DIAPH2: variants seen among roughly 807,000 people sequenced by gnomAD.
The protein encoded by DIAPH2 is protein diaphanous homolog 2.
Under a neutral mutation model 92.7 loss-of-function variants are expected in DIAPH2, and 35 were observed. That is an observed-to-expected ratio of 0.38 (90% CI 0.29 to 0.50). The LOEUF (loss-of-function observed/expected upper bound fraction) is 0.50, where lower values mean the gene tolerates loss of function less well. Ranked by LOEUF, DIAPH2 falls within the 20% of genes least tolerant of loss-of-function variation. The probability of loss-of-function intolerance (pLI) is 0.94; values close to 1 mark genes in which losing one functional copy is unlikely to be tolerated. For synonymous variants in DIAPH2, 301 were observed against 280.4 expected (o/e 1.07, Z -0.73); for missense variants, 701 against 819.5 (o/e 0.86, Z 1.77).
chrX:96,999,498 C>CA (rs756579556), intron 17 of DIAPH2, among the ~76,000 whole-genome samples: 1,048 of 47,183 alleles, frequency 0.022, 20 homozygotes, highest in African/African-American at 0.055. Flanking sequence ...GAGACTGTCT[C>CA]AAAAAAAAAA....
intron 20 of DIAPH2, among the ~76,000 whole-genome samples, chrX:97,110,991 C>CAAAA (rs1331839971): frequency 1.1e-5 from 1 of 87,889 alleles, no homozygotes; most frequent in African/African-American, 4.2e-5. Flanking sequence ...TCAAAAAAAA[C>CAAAA]AAACAAAAAA....
intron 22 of DIAPH2, among the ~76,000 whole-genome samples, chrX:97,161,574 T>G (rs908396084): frequency 1.8e-5 from 2 of 111,216 alleles, no homozygotes; most frequent in East Asian, 2.8e-4. Context: ...CTAATTTTTT[T>G]GTATTTTTGG....
chrX:96,807,908 A>C (rs2064640013), intron 4 of DIAPH2, among the ~76,000 whole-genome samples: 1 of 91,417 alleles, frequency 1.1e-5, no homozygotes, highest in South Asian at 7.1e-4. Flanking sequence ...ATGGAACTCC[A>C]TCTACCACAA....
intron 22 of DIAPH2, among the ~76,000 whole-genome samples, chrX:97,152,504 A>G (rs185058533): frequency 6.0e-4 from 67 of 111,949 alleles, no homozygotes; most frequent in African/African-American, 2.2e-3. Flanking sequence ...AAAAAAATTT[A>G]TTTCTTACAG....
At chrX:97,303,404 C>T (rs1395756191) in intron 23 of DIAPH2, among the ~76,000 whole-genome samples, 2 of 111,569 alleles carry the variant, frequency 1.8e-5, no homozygotes, top group Admixed American at 1.9e-4. Flanking sequence ...TTACAAATTC[C>T]CAGTGTTTTC....
chrX:96,906,720 T>A (rs1306942727), intron 5 of DIAPH2, among the ~76,000 whole-genome samples: 1 of 112,282 alleles, frequency 8.9e-6, no homozygotes, highest in Non-Finnish European at 1.9e-5. Flanking sequence ...CACAGCATAA[T>A]CCAATGATGG....
intron 19 of DIAPH2, among the ~76,000 whole-genome samples, chrX:97,091,514 A>C (rs188732949): frequency 5.6e-4 from 63 of 111,526 alleles, no homozygotes; most frequent in African/African-American, 1.9e-3. Context: ...GGACTCAAGC[A>C]GTCCCCTATC....
At position 96,818,125 on chromosome X, in the gene DIAPH2, C is replaced by G. The variant is rs1427843963; in HGVS notation, c.447+59867C>G. On this transcript the variant is annotated intron_variant, in intron 4 of 26. Transcript: ENST00000324765. ...TCCCGAGTAGCTGGGACGGCAGGTG[C>G]CCGCCAAAACGCCCGGCTAAATTTT... 7.9e-5 allele frequency among the ~76,000 whole-genome samples: 3 copies of G among 37,937 alleles called. 1 individual carries two copies. Among genetic ancestry groups the G allele is most frequent in the Non-Finnish European group, 1.2e-4 (3 of 25,173 alleles). 32.9% of individuals were successfully genotyped at this position (37,937 alleles called of 115,157 possible).
chrX:97,062,165 C>T (rs2066603613), intron 17 of DIAPH2, among the ~76,000 whole-genome samples: 1 of 111,493 alleles, frequency 9.0e-6, no homozygotes, highest in South Asian at 3.8e-4. Flanking sequence ...ATCCTTTGTT[C>T]TTTCATAAAA....
At chrX:97,448,065 A>T (rs983552054) in intron 26 of DIAPH2, among the ~76,000 whole-genome samples, 11 of 112,378 alleles carry the variant, frequency 9.8e-5, no homozygotes, top group African/African-American at 3.6e-4. Flanking sequence ...TCAAATAATA[A>T]AAGAAGGCAG....
chrX:97,311,612 TTATC>T (rs1334841703), intron 23 of DIAPH2, among the ~76,000 whole-genome samples: 3 of 110,822 alleles, frequency 2.7e-5, no homozygotes, highest in South Asian at 3.9e-4. Flanking sequence ...ATGAGCCAGT[TTATC>T]TATCAGGGTG....
In DIAPH2 at chrX:97,300,956, AAAAAAAAAAG is replaced by A. The variant is rs1328765988; in HGVS notation, c.2845-47157_2845-47148del. ...TAAAAAAAAAAAAAAAAAAAAAAAA[AAAAAAAAAAG>A]AAGAAGAAGAATGTCTCCATAGTTA... On this transcript the variant is annotated intron_variant, in intron 23 of 26. Transcript: ENST00000324765. Among the ~76,000 whole-genome samples, 57 of 63,535 alleles carry A rather than the reference AAAAAAAAAAG, an allele frequency of 9.0e-4. 1 individual carries two copies. The highest frequency in any genetic ancestry group is 1.6e-3 in the Non-Finnish European group (47 of 29,718). The allele number at this position is 63,535 out of a possible 115,157, so 55.2% of individuals were successfully genotyped here.
At chrX:96,991,219 A>T (rs2066067685) in intron 17 of DIAPH2, among the ~76,000 whole-genome samples, 1 of 109,574 alleles carries the variant, frequency 9.1e-6, no homozygotes, top group Admixed American at 9.8e-5. Context: ...GGTTCAAGTG[A>T]TTCTCCTGCC....
At chrX:96,959,597 T>C (rs1054318707) in intron 16 of DIAPH2, among the ~76,000 whole-genome samples, 4 of 112,114 alleles carry the variant, frequency 3.6e-5, no homozygotes, top group African/African-American at 1.3e-4. Context: ...TTGTTCCCTT[T>C]TCTATGCGGA....
chrX:97,318,502 T>A (rs1230006958), intron 23 of DIAPH2, among the ~76,000 whole-genome samples: 1 of 87,842 alleles, frequency 1.1e-5, no homozygotes, highest in African/African-American at 4.3e-5. Flanking sequence ...TTTTTTTTTT[T>A]TTTTTTTGAG....
intron 3 of DIAPH2, among the ~76,000 whole-genome samples, chrX:96,747,565 A>G (rs1349269943): frequency 1.8e-5 from 2 of 112,163 alleles, no homozygotes; most frequent in Non-Finnish European, 3.8e-5. Flanking sequence ...AAATTATTCC[A>G]TCTGCTAGAA....
intron 22 of DIAPH2, among the ~76,000 whole-genome samples, chrX:97,194,536 G>A (rs773075702): frequency 5.4e-5 from 6 of 110,694 alleles, no homozygotes; most frequent in South Asian, 3.9e-4. Flanking sequence ...CGCCCACCTT[G>A]GCCTCCCAAA....
At chrX:97,357,078 G>A in intron 24 of DIAPH2, among the ~76,000 whole-genome samples, 1 of 111,670 alleles carries the variant, frequency 9.0e-6, no homozygotes, top group Non-Finnish European at 1.9e-5. Flanking sequence ...AACGCCTCAT[G>A]CAGAATTTTT....
chrX:97,390,838 A>G (rs1602557236), intron 25 of DIAPH2, among the ~76,000 whole-genome samples: 1 of 112,372 alleles, frequency 8.9e-6, no homozygotes, highest in African/African-American at 3.2e-5. Flanking sequence ...AGACCGTAAG[A>G]TAAATATCCA....
Sources: allele counts gnomAD v4.1 joint callset (sites outside exome capture counted in the v4.1 genomes callset), GRCh38; gene constraint gnomAD v4.1.1; transcripts MANE v1.5; gene names NCBI Gene and HGNC (gene_info 2026-07-23, HGNC 2026-07-21).